The following RNF115 variants were observed in gnomAD, a reference collection of about 807,000 sequenced individuals.
RNF115 encodes the protein E3 ubiquitin-protein ligase RNF115.
Under a neutral mutation model 39.2 loss-of-function variants are expected in RNF115, and 31 were observed. That is an observed-to-expected ratio of 0.79 (90% CI 0.59 to 1.07). RNF115 has a LOEUF of 1.07. Among genes scored for constraint, RNF115 ranks in the 50% least tolerant of loss-of-function variants. The pLI, the probability that RNF115 is intolerant of heterozygous loss-of-function variation, is 0.00. For missense variants in RNF115, 384 were observed against 381.7 expected (o/e 1.01, Z -0.05); for synonymous variants, 124 against 131.0 (o/e 0.95, Z 0.37).
intron 1 of RNF115, among the ~76,000 whole-genome samples, chr1:145,809,531 G>T (rs2101601096): frequency 1.4e-5 from 1 of 69,900 alleles, no homozygotes. Flanking sequence ...TTTCACTCTT[G>T]TTGCCCAGGC....
intron 7 of RNF115, 72 bp from the exon 8 acceptor site, chr1:145,748,182 T>C (rs1553712034): frequency 3.1e-6 from 3 of 980,818 alleles, no homozygotes; most frequent in Admixed American, 3.6e-5. Context: ...CCAATGTCTC[T>C]ACCAACCCTA....
chr1:145,786,228 G>A (rs1648373639), intron 2 of RNF115, among the ~76,000 whole-genome samples: 1 of 152,100 alleles, frequency 6.6e-6, no homozygotes, highest in African/African-American at 2.4e-5. Context: ...AAACTTACAA[G>A]GTGCTCCTCT....
At chr1:145,779,988 G>A (rs972823147) in intron 3 of RNF115, among the ~76,000 whole-genome samples, 6 of 152,062 alleles carry the variant, frequency 3.9e-5, no homozygotes, top group African/African-American at 9.6e-5. Context: ...AGCACTCTGG[G>A]AGGCCAAGAC....
chr1:145,776,095 G>GGGA (rs1647872694), intron 3 of RNF115, among the ~76,000 whole-genome samples: 1 of 150,274 alleles, frequency 6.7e-6, no homozygotes, highest in Non-Finnish European at 1.5e-5. Context: ...GGGTAAGGGG[G>GGGA]GGGCTACTGT....
chr1:145,743,716 G>A lies in RNF115; in HGVS notation c.*3150C>T, dbSNP rs1294327229. On this transcript the variant is annotated 3_prime_UTR_variant, in exon 9 of 9. Coordinates refer to ENST00000582693, the MANE Select transcript of RNF115 (RefSeq NM_014455.4). ...GAATCGCTGGAACCCAGGAGGTGGA[G>A]GTTGCAGTGAGCTGAGATTGCACCA... 1.3e-5 allele frequency: 2 copies of A among 151,800 alleles called. No homozygotes were observed. Among genetic ancestry groups the A allele is most frequent in the African/African-American group, 2.4e-5 (1 of 41,292 alleles). The allele number at this position is 151,800 out of a possible 1,614,324, so 9.4% of individuals were successfully genotyped here.
chr1:145,749,721 G>T (rs1553712187), intron 7 of RNF115, among the ~76,000 whole-genome samples: 2 of 152,096 alleles, frequency 1.3e-5, no homozygotes, highest in Non-Finnish European at 2.9e-5. Context: ...CACTTCCAAT[G>T]TTTCACACAC....
intron 1 of RNF115, among the ~76,000 whole-genome samples, chr1:145,820,890 A>G (rs587768240): frequency 7.1e-6 from 1 of 140,472 alleles, no homozygotes; most frequent in East Asian, 2.0e-4. Context: ...GCTGAACACT[A>G]TAAAAAATAT....
chr1:145,808,711 C>T (rs1649567335), intron 1 of RNF115, among the ~76,000 whole-genome samples: 1 of 151,904 alleles, frequency 6.6e-6, no homozygotes, highest in South Asian at 2.1e-4. Flanking sequence ...TTCAAACCAA[C>T]GAGGCTAAGA....
At chr1:145,762,249 T>A (rs587624014) in intron 4 of RNF115, among the ~76,000 whole-genome samples, 1 of 152,294 alleles carries the variant, frequency 6.6e-6, no homozygotes, top group East Asian at 1.9e-4. Context: ...TGGGAATGCA[T>A]GACTGGTTTT....
intron 3 of RNF115, among the ~76,000 whole-genome samples, chr1:145,782,902 C>A (rs1559118618): frequency 6.6e-6 from 1 of 152,210 alleles, no homozygotes; most frequent in Non-Finnish European, 1.5e-5. Context: ...CGCTCTGTCA[C>A]CCAGGCTGGA....
intron 4 of RNF115, among the ~76,000 whole-genome samples, chr1:145,757,291 T>C (rs1429489285): frequency 6.6e-6 from 1 of 152,082 alleles, no homozygotes; most frequent in African/African-American, 2.4e-5. Context: ...GAACACAGCT[T>C]TTTGGGGGAC....
intron 1 of RNF115, among the ~76,000 whole-genome samples, chr1:145,807,470 A>G (rs1035325526): frequency 4.6e-5 from 7 of 152,208 alleles, no homozygotes; most frequent in Non-Finnish European, 8.8e-5. Flanking sequence ...TAATAAACCA[A>G]CAATTTTAAA....
At chr1:145,796,972 A>G (rs1649013345) in intron 1 of RNF115, among the ~76,000 whole-genome samples, 1 of 152,188 alleles carries the variant, frequency 6.6e-6, no homozygotes, top group Non-Finnish European at 1.5e-5. Context: ...TTAAAACTTG[A>G]AAAAGTTACA....
At chr1:145,811,855 C>A (rs1321911058) in intron 1 of RNF115, among the ~76,000 whole-genome samples, 1 of 69,556 alleles carries the variant, frequency 1.4e-5, no homozygotes, top group East Asian at 3.5e-4. Flanking sequence ...CACTGCACTG[C>A]AGCCTGGTTG....
At chr1:145,808,008 C>A (rs1649531572) in intron 1 of RNF115, among the ~76,000 whole-genome samples, 1 of 152,092 alleles carries the variant, frequency 6.6e-6, no homozygotes. Flanking sequence ...CATGTTGCTA[C>A]AAATGGCACG....
intron 1 of RNF115, among the ~76,000 whole-genome samples, chr1:145,793,976 T>G (rs1648808792): frequency 6.6e-6 from 1 of 152,064 alleles, no homozygotes; most frequent in Admixed American, 6.6e-5. Flanking sequence ...CCAGAGTGGC[T>G]GGGATTACAG....
intron 3 of RNF115, among the ~76,000 whole-genome samples, chr1:145,783,661 C>T (rs587623447): frequency 6.6e-6 from 1 of 152,024 alleles, no homozygotes; most frequent in Admixed American, 6.6e-5. Flanking sequence ...TAGAGCTGAA[C>T]AAGTTGTATG....
At chr1:145,795,550 G>A (rs1179035207) in intron 1 of RNF115, among the ~76,000 whole-genome samples, 12 of 152,042 alleles carry the variant, frequency 7.9e-5, no homozygotes, top group Admixed American at 3.9e-4. Flanking sequence ...ACTGATTGGC[G>A]CATTTACAAT....
intron 2 of RNF115, 128 bp downstream of exon 2, chr1:145,788,780 T>A (rs782649356): frequency 6.6e-6 from 5 of 758,400 alleles, no homozygotes; most frequent in Admixed American, 1.9e-5. Flanking sequence ...GCACTCACTC[T>A]CTCTCTCTCA....
Sources: gnomAD v4.1 joint callset for allele counts (sites outside exome capture counted in the v4.1 genomes callset) on GRCh38, gnomAD v4.1.1 for gene constraint, MANE v1.5 for transcripts, NCBI Gene and HGNC (gene_info 2026-07-23, HGNC 2026-07-21) for gene names.